Variants in SLC19A1 observed in about 807,000 individuals in gnomAD.
SLC19A1 encodes solute carrier family 19 member 1.
In SLC19A1, 37 loss-of-function variants were observed where a neutral mutation model predicts 35.3. The ratio of observed to expected loss-of-function variants is 1.05; its 90% CI spans 0.81 to 1.38. The LOEUF is 1.38. Among genes scored for constraint, SLC19A1 ranks in the 40% most tolerant of loss-of-function variants. The pLI, the probability that SLC19A1 is intolerant of heterozygous loss-of-function variation, is 0.00. For synonymous variants in SLC19A1, 460 were observed against 398.5 expected (o/e 1.15, Z -1.84); for missense variants, 831 against 826.9 (o/e 1.00, Z -0.06).
At chr21:45,519,111 A>AGAGG (rs1555880335) in intron 5 of SLC19A1, among the ~76,000 whole-genome samples, 15 of 151,494 alleles carry the variant, frequency 9.9e-5, no homozygotes, top group Non-Finnish European at 2.1e-4. Context: ...ACAGTGACAT[A>AGAGG]AAGGCAACGT....
At chr21:45,502,675 G>A (rs1279225244) in intron 3 of SLC19A1, 2 of 152,154 alleles carry the variant, frequency 1.3e-5, no homozygotes, top group African/African-American at 4.8e-5. Context: ...TTTCAGCAAA[G>A]GGCTCCTCCG....
At chr21:45,527,390 G>A (rs1186601311) in intron 4 of SLC19A1, among the ~76,000 whole-genome samples, 2 of 137,492 alleles carry the variant, frequency 1.5e-5, no homozygotes, top group Non-Finnish European at 1.6e-5. Context: ...AGTGGCAGCA[G>A]GTTAGGACGG....
intron 5 of SLC19A1, among the ~76,000 whole-genome samples, chr21:45,519,261 AAAAATGTAAACAG>A (rs1264298771): frequency 2.0e-5 from 3 of 152,190 alleles, no homozygotes; most frequent in Non-Finnish European, 4.4e-5. Flanking sequence ...GGAAGCTGCA[AAAAATGTAAACAG>A]AAACTAAAAA....
chr21:45,559,447 T>G (rs555492671), intron 1 of SLC19A1, among the ~76,000 whole-genome samples: 169 of 152,342 alleles, frequency 1.1e-3, no homozygotes, highest in Middle Eastern at 6.8e-3. Context: ...GTAGGCAGCA[T>G]CCTCCGGAGA....
At chr21:45,508,256 A>G (rs370987308), downstream of SLC19A1, among the ~76,000 whole-genome samples, 102 of 130,114 alleles carry the variant, frequency 7.8e-4, 1 homozygote, top group Middle Eastern at 6.0e-3. Context: ...TGGATGGTGG[A>G]CAGGTGGGTG....
At chr21:45,512,327 A>C (rs1414960073), downstream of SLC19A1, 1 of 1,612,562 alleles carries the variant, frequency 6.2e-7, no homozygotes, top group Admixed American at 1.7e-5. Context: ...CCTGGGGCAG[A>C]GTGCCGCGAG....
In SLC19A1 at chr21:45,540,758, C is replaced by T. The variant is rs555526261; in HGVS notation, c.-50+1610G>A. On this transcript the variant is annotated intron_variant, in intron 1 of 5. Transcript: ENST00000311124. This position sits in a 1 kb window ranked among gnomAD's most constrained non-coding sequence, Gnocchi z 5.5. ...CTCTTCCCGGCATCTGAAGGAAGTC[C>T]CCGACCAGACAGGAGGGCCACGGGG... Among the ~76,000 whole-genome samples the T allele has an allele frequency of 6.6e-6, 1 of 152,260 alleles. No homozygotes were observed. The highest frequency in any genetic ancestry group is 1.9e-4 in the East Asian group (1 of 5,170).
chr21:45,535,543 C>T (rs541165942), intron 2 of SLC19A1, among the ~76,000 whole-genome samples: 3 of 152,324 alleles, frequency 2.0e-5, no homozygotes, highest in East Asian at 1.9e-4. Flanking sequence ...AGCGGCCAGA[C>T]GGCCGGCGCT....
At chr21:45,522,620 T>C (rs1243607217) in intron 5 of SLC19A1, among the ~76,000 whole-genome samples, 1 of 152,222 alleles carries the variant, frequency 6.6e-6, no homozygotes, top group East Asian at 1.9e-4. Context: ...TAAAGTGTGC[T>C]GTACCTACAC....
downstream of SLC19A1, among the ~76,000 whole-genome samples, chr21:45,508,267 AGTGGATGGGTAG>A (rs965544350): frequency 7.9e-6 from 1 of 127,086 alleles, no homozygotes; most frequent in Admixed American, 7.7e-5. Context: ...CAGGTGGGTG[AGTGGATGGGTAG>A]GTAGATGGGG....
intron 1 of SLC19A1, among the ~76,000 whole-genome samples, chr21:45,553,901 A>C (rs1444261648): frequency 4.8e-4 from 1 of 2,078 alleles, no homozygotes; most frequent in Non-Finnish European, 1.1e-3. Flanking sequence ...TCCACGCCCC[A>C]TCCCAGTCCC....
rs148732401 is a variant in SLC19A1, at chr21:45,555,954, C to T, written c.-50+6788G>A. On this transcript the variant is annotated intron_variant, in intron 1 of 5. Coordinates refer to the SLC19A1 transcript ENST00000650808. ...GGCCACGGTGCGCATGCAGCAAGGTCTACTCCCGCGAGGTGACCACGGGAC... is the reference window on the plus strand; with the variant it reads ...GGCCACGGTGCGCATGCAGCAAGGTTTACTCCCGCGAGGTGACCACGGGAC... Among the ~76,000 whole-genome samples the T allele has an allele frequency of 5.1e-3, 779 of 152,304 alleles. 6 individuals are homozygous for T. Among genetic ancestry groups the T allele is most frequent in the African/African-American group, 0.018 (753 of 41,560 alleles).
In SLC19A1 at chr21:45,515,649, G is replaced by A. The variant is rs779053972; in HGVS notation, c.*9C>T. 39 of 1,612,940 alleles carry A rather than the reference G, an allele frequency of 2.4e-5. No individual in the cohort carries two copies. The highest frequency in any genetic ancestry group is 1.6e-4 in the Middle Eastern group (1 of 6,082). ...CCGCCTGCAAAGTTACCACAGGGGC[G>A]CCCGAGAGTCACTGGTTCACATTCT... On this transcript the variant is annotated 3_prime_UTR_variant, in exon 6 of 6. Coordinates refer to ENST00000311124, the MANE Select transcript of SLC19A1 (RefSeq NM_194255.4).
In SLC19A1 at chr21:45,534,642, C is replaced by T. The variant is rs1602854509; in HGVS notation, c.190-2494G>A. ...CTGGTCTTAGTTGAGGGTCTGAGCG[C>T]AGAGCTCCCCCTTGGCAGCCACCCA... On this transcript the variant is annotated intron_variant, in intron 2 of 5. Transcript: ENST00000311124. This position sits in a 1 kb window ranked among gnomAD's most constrained non-coding sequence, Gnocchi z 4.2. The T allele has an allele frequency of 2.6e-6, 4 of 1,530,264 alleles. No individual in the cohort carries two copies. The East Asian group carries it at 9.8e-5, about 37-fold the overall frequency. The allele number at this position is 1,530,264 out of a possible 1,614,324, so 94.8% of individuals were successfully genotyped here.
intron 1 of SLC19A1, among the ~76,000 whole-genome samples, chr21:45,554,628 G>A (rs2078523942): frequency 1.4e-5 from 2 of 145,912 alleles, no homozygotes; most frequent in Admixed American, 6.8e-5. Context: ...CCTGCACGGG[G>A]CAGCGGCGTG....
At chr21:45,539,426 C>G (rs988225822) in intron 1 of SLC19A1, among the ~76,000 whole-genome samples, 1 of 152,244 alleles carries the variant, frequency 6.6e-6, no homozygotes, top group Non-Finnish European at 1.5e-5. Context: ...GCCACAGGGC[C>G]GGCTTGGGAG....
At chr21:45,505,299 C>T (rs1362338679) in intron 3 of SLC19A1, 2 of 1,604,388 alleles carry the variant, frequency 1.2e-6, no homozygotes, top group Non-Finnish European at 1.7e-6. Context: ...GGGGAGTGGG[C>T]CCCGGGCAGA....
At chr21:45,505,914 C>A (rs1381075026) in intron 3 of SLC19A1, 3 of 1,612,962 alleles carry the variant, frequency 1.9e-6, no homozygotes, top group African/African-American at 1.3e-5. Flanking sequence ...ATCTTCGTGG[C>A]CGAGCAGGAG....
chr21:45,555,122 C>T (rs949648606), intron 1 of SLC19A1, among the ~76,000 whole-genome samples: 2 of 133,116 alleles, frequency 1.5e-5, no homozygotes, highest in African/African-American at 5.6e-5. Context: ...GGTCCCAGCC[C>T]AGCAGCCTCG....
Sources: allele counts gnomAD v4.1 joint callset (sites outside exome capture counted in the v4.1 genomes callset), GRCh38; gene constraint gnomAD v4.1.1; non-coding constraint Gnocchi (gnomAD v3.1); transcripts MANE v1.5; gene names NCBI Gene and HGNC (gene_info 2026-07-23, HGNC 2026-07-21).